The following MYH8 variants were observed in gnomAD, a reference collection of about 807,000 sequenced individuals.
The protein encoded by MYH8 is myosin heavy chain 8.
A neutral mutation model predicts 233.2 loss-of-function variants in MYH8; 168 were observed. The ratio of observed to expected loss-of-function variants is 0.72; its 90% CI spans 0.64 to 0.82. MYH8 has a LOEUF of 0.82. Among genes scored for constraint, MYH8 ranks in the 40% least tolerant of loss-of-function variants. The pLI, the probability that MYH8 is intolerant of heterozygous loss-of-function variation, is 0.00. For missense variants in MYH8, 1,995 were observed against 2,327.8 expected, an observed-to-expected ratio of 0.86 and a Z score of 2.94; for synonymous variants, 785 against 850.6, an observed-to-expected ratio of 0.92 and a Z score of 1.34.
intron 17 of MYH8, among the ~76,000 whole-genome samples, chr17:10,407,473 CTTTCCTTCCTTGAGTGTAATA>C (rs753021828): frequency 2.0e-5 from 3 of 152,134 alleles, no homozygotes; most frequent in Non-Finnish European, 2.9e-5. Context: ...TAACTTTTGC[CTTTCCTTCCTTGAGTGTAATA>C]TTTCCTGGGA....
At position 10,412,594 on chromosome 17, in the gene MYH8, G is replaced by A; in HGVS notation, c.1266+16C>T. 1.2e-6 allele frequency: 2 copies of A among 1,614,150 alleles called. No individual in the cohort carries two copies. On this transcript the variant is annotated intron_variant, in intron 13 of 39. Coordinates refer to ENST00000403437, the MANE Select transcript of MYH8 (RefSeq NM_002472.3). ...AGGCCTGAGATGTGTGTGATTCATT[G>A]AGGTCATGCACTTACCTGCTGCACA... is the stretch of plus-strand genomic sequence containing the variant.
At position 10,392,549 on chromosome 17, in the gene MYH8, G is replaced by C; in HGVS notation, c.5561C>G (p.Thr1854Ser). 6.2e-7 allele frequency: 1 copy of C among 1,613,800 alleles called. No homozygotes were observed. ...GAAGGCTATTCCCTTTACCTGGTAG[G>C]TGAGTTCTTTTACTCGTCGCTCATG... ...RKHERRVKEL[T>S]YQTEEDRKNV... is the part of the protein sequence containing the mutation. Residue 1854 changes from threonine to serine, a missense_variant, in exon 38 of 40, where the codon ACC becomes AGC. By Grantham distance (58) the Thr-to-Ser change is moderately conservative (BLOSUM62 1). Transcript: ENST00000403437.
Position 10,419,418 on chromosome 17 carries a change from A to G in MYH8, c.211-388T>C, listed in dbSNP as rs1177103609. The stretch of plus-strand genomic sequence containing the variant: ...TATGTTTGCCTGTATATTTTGGTAC[A>G]AAACTATAATCACACATACTTCTCA... On this transcript the variant is annotated intron_variant, in intron 3 of 39. Coordinates refer to ENST00000403437, the MANE Select transcript of MYH8 (RefSeq NM_002472.3). This position sits in a 1 kb window ranked among gnomAD's most constrained non-coding sequence, Gnocchi z 4.0. Among the ~76,000 whole-genome samples, 2 of 152,196 alleles carry G rather than the reference A, an allele frequency of 1.3e-5. No individual in the cohort carries two copies. Among genetic ancestry groups the G allele is most frequent in the Non-Finnish European group, 2.9e-5 (2 of 68,036 alleles).
rs148504957 is a variant in MYH8 at position 10,402,690 on chromosome 17, T to C, written c.2689-905A>G. ...AAAGTAAATGGCAGATATCATATTTTAGCATTTCTCTCCTAAGGACATGAA... is the reference window on the plus strand; with the variant it reads ...AAAGTAAATGGCAGATATCATATTTCAGCATTTCTCTCCTAAGGACATGAA... On this transcript the variant is annotated intron_variant, in intron 22 of 39. Transcript: ENST00000403437. 2.3e-3 allele frequency among the ~76,000 whole-genome samples: 355 copies of C among 152,260 alleles called. 1 individual carries two copies. Among genetic ancestry groups the C allele is most frequent in the African/African-American group, 8.3e-3 (346 of 41,570 alleles).
At chr17:10,407,178 ATC>A (rs1212404162) in intron 17 of MYH8, among the ~76,000 whole-genome samples, 199 bp from the exon 18 acceptor site, 1 of 152,224 alleles carries the variant, frequency 6.6e-6, no homozygotes, top group Non-Finnish European at 1.5e-5. Context: ...AGGAATGCAC[ATC>A]TCCAAGGTAT....
rs1420830877 is a variant in MYH8 at position 10,409,313 on chromosome 17, G to T, written c.1863C>A (p.Ala621=). Residue 621 remains alanine, a synonymous_variant, in exon 16 of 40, where the codon GCC becomes GCA. Coordinates refer to ENST00000403437, the MANE Select transcript of MYH8 (RefSeq NM_002472.3). ...CACTAGCATACGTGGAAAAGAGACT[G>T]GCTAGAGTCTTCATTGCAGACTTCT... ...LYQKSAMKTL[A]SLFSTYASAE... The T allele has an allele frequency of 3.1e-6, 5 of 1,614,146 alleles. No individual in the cohort carries two copies. The Admixed American group carries it at 8.3e-5, about 27-fold the overall frequency.
At chr17:10,409,245 T>C in intron 16 of MYH8, 34 bp downstream of exon 16, 1 of 1,613,630 alleles carries the variant, frequency 6.2e-7, no homozygotes, top group Non-Finnish European at 8.5e-7. Flanking sequence ...TATGTGAGAA[T>C]GGATTTAATT....
chr17:10,409,700 A>T, intron 15 of MYH8, 112 bp from the exon 16 acceptor site: 2 of 1,415,540 alleles, frequency 1.4e-6, no homozygotes, highest in Non-Finnish European at 1.9e-6. Context: ...TATGTATGAA[A>T]TAAACCAGGG....
At chr17:10,416,326 T>C (rs2072290329) in intron 5 of MYH8, among the ~76,000 whole-genome samples, 1 of 152,228 alleles carries the variant, frequency 6.6e-6, no homozygotes, top group South Asian at 2.1e-4. Flanking sequence ...TGCATGTATA[T>C]ACCACATTTT....
intron 9 of MYH8, 146 bp downstream of exon 9, chr17:10,414,970 T>C: frequency 1.2e-5 from 9 of 779,092 alleles, no homozygotes; most frequent in Non-Finnish European, 1.8e-5. Context: ...CAGTGGATTA[T>C]GGGTAAGCCT....
At chr17:10,390,752 C>T (rs1182583750) in intron 39 of MYH8, 149 bp from the exon 40 acceptor site, 4 of 931,786 alleles carry the variant, frequency 4.3e-6, no homozygotes, top group Non-Finnish European at 4.9e-6. Context: ...TTTATAACTT[C>T]AACTACAATT....
rs773708880 is a variant in MYH8 at position 10,392,898 on chromosome 17, C to T, written c.5396G>A (p.Arg1799His). The change falls in exon 37 of 40, where the codon CGT (arginine) becomes CAT (histidine). Residue 1799 changes from arginine (R) to histidine (H), a missense_variant. Coordinates refer to ENST00000403437, the MANE Select transcript of MYH8 (RefSeq NM_002472.3). ...CGCCAGCTGCTCGGCCTCATCTAGA[C>T]GATGCTGCAGGTCCTTCACCGTCTG... ...LEQTVKDLQH[R>H]LDEAEQLALK... 5.6e-6 allele frequency: 9 copies of T among 1,614,072 alleles called. No homozygotes were observed. The highest frequency in any genetic ancestry group is 2.2e-5 in the South Asian group (2 of 91,080).
intron 2 of MYH8, among the ~76,000 whole-genome samples, chr17:10,421,321 A>T (rs4791985): frequency 0.38 from 57,344 of 151,900 alleles, 12,124 homozygotes; most frequent in East Asian, 0.87. Flanking sequence ...GTCTTTAAAA[A>T]TGTCTATAAA....
Position 10,395,204 on chromosome 17 carries a change from G to T in MYH8, c.4891C>A (p.Gln1631Lys). 1.9e-6 allele frequency: 3 copies of T among 1,614,112 alleles called. No individual in the cohort carries two copies. The highest frequency in any genetic ancestry group is 2.5e-6 in the Non-Finnish European group (3 of 1,180,032). Residue 1631 changes from glutamine (Q) to lysine (K), a missense_variant, in exon 34 of 40, where the codon CAG (glutamine) becomes AAG (lysine). Gln to Lys is a moderately conservative substitution (Grantham distance 53, BLOSUM62 1). This residue lies in a region of MYH8 where 1,498 missense variants were observed against 1,680.9 expected (regional missense o/e 0.89). Coordinates refer to ENST00000403437, the MANE Select transcript of MYH8 (RefSeq NM_002472.3). ...GCTAAGCGATTGGCATGGTTCAGCT[G>T]GATTTCCATTTCATTCAGATCTCCT... ...MEGDLNEMEIQLNHANRLAAE... is the reference protein window; with the variant it reads ...MEGDLNEMEIKLNHANRLAAE...
At chr17:10,401,486 A>G (rs749437597) in intron 23 of MYH8, 35 bp from the exon 24 acceptor site, 3 of 1,614,130 alleles carry the variant, frequency 1.9e-6, no homozygotes, top group Non-Finnish European at 2.5e-6. Context: ...TTTCTCCTAT[A>G]AAGCAATTTA....
At chr17:10,408,274 C>T (rs1393910917) in intron 17 of MYH8, among the ~76,000 whole-genome samples, 4 of 151,974 alleles carry the variant, frequency 2.6e-5, no homozygotes, top group African/African-American at 9.7e-5. Context: ...GCTCAGTTAA[C>T]CATTAGGAAA....
chr17:10,414,580 A>G (rs2142188451), intron 9 of MYH8, 96 bp from the exon 10 acceptor site: 1 of 830,270 alleles, frequency 1.2e-6, no homozygotes, highest in South Asian at 1.4e-5. Context: ...GGAGCATTAC[A>G]TTTGGCTCCA....
chr17:10,398,978 GTA>G (rs1217911602), intron 28 of MYH8, 92 bp from the exon 29 acceptor site: 1 of 549,686 alleles, frequency 1.8e-6, no homozygotes, highest in East Asian at 3.7e-5. Flanking sequence ...ATATATATAT[GTA>G]TATATGTGTG....
intron 13 of MYH8, 34 bp from the exon 14 acceptor site, chr17:10,412,553 TAA>T (rs2072252620): frequency 6.2e-7 from 1 of 1,614,088 alleles, no homozygotes; most frequent in Non-Finnish European, 8.5e-7. Context: ...TTGGTATTGT[TAA>T]AGACATGCCA....
Sources: allele counts gnomAD v4.1 joint callset (sites outside exome capture counted in the v4.1 genomes callset), GRCh38; gene constraint gnomAD v4.1.1; regional missense constraint gnomAD v4.1.1; non-coding constraint Gnocchi (gnomAD v3.1); transcripts MANE v1.5; gene names NCBI Gene and HGNC (gene_info 2026-07-23, HGNC 2026-07-21).